HIPK2: variants seen among roughly 807,000 people sequenced by gnomAD.
The protein encoded by HIPK2 is homeodomain interacting protein kinase 2.
In HIPK2, 27 loss-of-function variants were observed where a neutral mutation model predicts 113.7. The observed-to-expected ratio is 0.24, with a 90% confidence interval of 0.17 to 0.33. The LOEUF (loss-of-function observed/expected upper bound fraction) is 0.33, where lower values mean the gene tolerates loss of function less well. HIPK2 is among the 10% of genes least tolerant of loss of function. The pLI is 1.00. For synonymous variants in HIPK2, 631 were observed against 642.2 expected (o/e 0.98, Z 0.26); for missense variants, 1,257 against 1,588.0 (o/e 0.79, Z 3.54).
At chr7:139,626,568 T>A in intron 6 of HIPK2, 33 bp downstream of exon 6, 1 of 1,596,812 alleles carries the variant, frequency 6.3e-7, no homozygotes, top group Non-Finnish European at 8.5e-7. Context: ...AGTTTGCCGA[T>A]CCCTGGTACG....
intron 2 of HIPK2, among the ~76,000 whole-genome samples, chr7:139,695,067 C>T (rs1028371445): frequency 1.1e-3 from 171 of 152,268 alleles, no homozygotes; most frequent in African/African-American, 3.4e-3. Flanking sequence ...CCTCTGGCTG[C>T]GAGGTTCGCC....
chr7:139,626,569 C>G (rs1040114929), intron 6 of HIPK2, 32 bp downstream of exon 6: 1 of 1,597,368 alleles, frequency 6.3e-7, no homozygotes. Flanking sequence ...GTTTGCCGAT[C>G]CCTGGTACGA....
chr7:139,643,937 T>C (rs1205677146), intron 2 of HIPK2, among the ~76,000 whole-genome samples: 2 of 152,186 alleles, frequency 1.3e-5, no homozygotes, highest in Admixed American at 6.5e-5. Context: ...TGCTATACCA[T>C]GAAGCTCTGC....
At chr7:139,635,002 G>T (rs932944938) in intron 2 of HIPK2, among the ~76,000 whole-genome samples, 1 of 152,160 alleles carries the variant, frequency 6.6e-6, no homozygotes, top group Non-Finnish European at 1.5e-5. Flanking sequence ...TATCTGAAAA[G>T]AACACTACCA....
chr7:139,581,817 C>A (rs1372459527), intron 13 of HIPK2, among the ~76,000 whole-genome samples: 1 of 152,160 alleles, frequency 6.6e-6, no homozygotes. Flanking sequence ...TGCCCCTGCT[C>A]GTGAGGGCAC....
intron 2 of HIPK2, among the ~76,000 whole-genome samples, chr7:139,664,541 A>T (rs985311695): frequency 2.0e-5 from 3 of 152,180 alleles, no homozygotes; most frequent in African/African-American, 7.2e-5. Context: ...TCTCAAAAAA[A>T]AAAAGTAGCT....
chr7:139,593,009 G>C (rs1246397060), intron 12 of HIPK2, among the ~76,000 whole-genome samples: 1 of 152,186 alleles, frequency 6.6e-6, no homozygotes, highest in Non-Finnish European at 1.5e-5. Flanking sequence ...GCACCAAGAG[G>C]GGGCTCAGTG....
chr7:139,659,011 T>C (rs757389787), intron 2 of HIPK2, among the ~76,000 whole-genome samples: 2 of 152,114 alleles, frequency 1.3e-5, no homozygotes, highest in Admixed American at 1.3e-4. Flanking sequence ...GGAACCCTAG[T>C]TGGGGAAGGC....
At chr7:139,685,672 G>A (rs1418050718) in intron 2 of HIPK2, among the ~76,000 whole-genome samples, 2 of 152,194 alleles carry the variant, frequency 1.3e-5, no homozygotes, top group Admixed American at 6.5e-5. Flanking sequence ...TAAGAATTGT[G>A]CTAAATCTAC....
At chr7:139,573,831 G>C (rs1195609562) in intron 14 of HIPK2, among the ~76,000 whole-genome samples, 3 of 150,208 alleles carry the variant, frequency 2.0e-5, no homozygotes, top group Non-Finnish European at 4.4e-5. Flanking sequence ...CTGGGTGACA[G>C]AGTGAAACTC....
chr7:139,686,074 AAC>A (rs1303816411), intron 2 of HIPK2, among the ~76,000 whole-genome samples: 1 of 152,222 alleles, frequency 6.6e-6, no homozygotes, highest in Non-Finnish European at 1.5e-5. Flanking sequence ...TGCCATTAAG[AAC>A]AGTCATGATT....
At chr7:139,672,777 T>C (rs1382357803) in intron 2 of HIPK2, among the ~76,000 whole-genome samples, 1 of 152,246 alleles carries the variant, frequency 6.6e-6, no homozygotes. Flanking sequence ...ACATTTTTAT[T>C]CACTTCTGGT....
chr7:139,731,532 C>A (rs2117032255), intron 1 of HIPK2, among the ~76,000 whole-genome samples: 1 of 152,328 alleles, frequency 6.6e-6, no homozygotes, highest in African/African-American at 2.4e-5. Context: ...TACAAAGGAA[C>A]CAGGACAAAG....
At chr7:139,691,789 C>T (rs539186458) in intron 2 of HIPK2, among the ~76,000 whole-genome samples, 2 of 152,290 alleles carry the variant, frequency 1.3e-5, no homozygotes, top group African/African-American at 4.8e-5. Flanking sequence ...GGGGATGAAA[C>T]GGAGCTGCTC....
intron 2 of HIPK2, among the ~76,000 whole-genome samples, chr7:139,679,114 C>T (rs116412146): frequency 0.036 from 5,458 of 152,234 alleles, 314 homozygotes; most frequent in African/African-American, 0.12. Context: ...CAAAGAGAGA[C>T]GATTTGATTT....
chr7:139,717,158 T>C, intron 1 of HIPK2, 143 bp from the exon 2 acceptor site: 1 of 1,132,982 alleles, frequency 8.8e-7, no homozygotes, highest in Non-Finnish European at 1.2e-6. Context: ...AAAAAGTGAA[T>C]CTCTTCCACC....
At chr7:139,739,948 T>A (rs1169068140) in intron 1 of HIPK2, among the ~76,000 whole-genome samples, 1 of 152,234 alleles carries the variant, frequency 6.6e-6, no homozygotes, top group African/African-American at 2.4e-5. Context: ...ACTTTGTGTA[T>A]CCACTTGTCA....
intron 2 of HIPK2, among the ~76,000 whole-genome samples, chr7:139,711,868 T>C (rs897935593): frequency 6.6e-6 from 1 of 152,214 alleles, no homozygotes; most frequent in Non-Finnish European, 1.5e-5. Context: ...AACTCTGTTC[T>C]TTTGGGTGTC....
At chr7:139,579,325 T>C (rs1230400553) in intron 13 of HIPK2, among the ~76,000 whole-genome samples, 2 of 152,212 alleles carry the variant, frequency 1.3e-5, no homozygotes, top group Admixed American at 1.3e-4. Context: ...GGAGCATTCA[T>C]TTTGGGGCCT....
Sources: gnomAD v4.1 joint callset for allele counts (sites outside exome capture counted in the v4.1 genomes callset) on GRCh38, gnomAD v4.1.1 for gene constraint, MANE v1.5 for transcripts, NCBI Gene and HGNC (gene_info 2026-07-23, HGNC 2026-07-21) for gene names.